ZNF423: variants seen among roughly 807,000 people sequenced by gnomAD.
The protein encoded by ZNF423 is zinc finger protein 423.
Under a neutral mutation model 95.8 loss-of-function variants are expected in ZNF423, and 12 were observed. The ratio of observed to expected loss-of-function variants is 0.13; its 90% CI spans 0.08 to 0.20. The LOEUF (loss-of-function observed/expected upper bound fraction) is 0.20, where lower values mean the gene tolerates loss of function less well. Ranked by LOEUF, ZNF423 falls within the 10% of genes least tolerant of loss-of-function variation. The probability of loss-of-function intolerance (pLI) is 1.00; values close to 1 mark genes in which losing one functional copy is unlikely to be tolerated. For missense variants in ZNF423, 1,316 were observed against 1,737.1 expected (o/e 0.76, Z 4.31); for synonymous variants, 749 against 711.9 (o/e 1.05, Z -0.83).
intron 5 of ZNF423, among the ~76,000 whole-genome samples, chr16:49,610,797 G>A (rs1971697642): frequency 6.6e-6 from 1 of 151,830 alleles, no homozygotes; most frequent in Admixed American, 6.6e-5. Context: ...AACAATACTG[G>A]CAGGTTGAAA....
chr16:49,569,154 C>T (rs1400185870), intron 5 of ZNF423, among the ~76,000 whole-genome samples: 1 of 152,212 alleles, frequency 6.6e-6, no homozygotes, highest in African/African-American at 2.4e-5. Context: ...CATCCTTCTT[C>T]AGGCCGCTAT....
intron 3 of ZNF423, among the ~76,000 whole-genome samples, chr16:49,694,190 G>T (rs1009930701): frequency 2.0e-5 from 3 of 152,224 alleles, no homozygotes; most frequent in Non-Finnish European, 4.4e-5. Context: ...AGGGAAGTAG[G>T]AAGGGGGAGC....
At chr16:49,661,055 T>A (rs2030194505) in intron 3 of ZNF423, among the ~76,000 whole-genome samples, 4 of 152,128 alleles carry the variant, frequency 2.6e-5, no homozygotes, top group Admixed American at 2.6e-4. Flanking sequence ...ACCTTGTCTC[T>A]ACTAAAAATA....
At chr16:49,783,700 G>C (rs975981361) in intron 2 of ZNF423, among the ~76,000 whole-genome samples, 1 of 152,060 alleles carries the variant, frequency 6.6e-6, no homozygotes, top group African/African-American at 2.4e-5. Flanking sequence ...GACGTTGGTA[G>C]GAGGGAGGTC....
Position 49,635,863 on chromosome 16 carries a change from C to T in ZNF423, c.3313G>A (p.Ala1105Thr). 2 of 1,590,420 alleles carry T rather than the reference C, an allele frequency of 1.3e-6. No individual in the cohort carries two copies. The highest frequency in any genetic ancestry group is 1.7e-6 in the Non-Finnish European group (2 of 1,170,628). ...CCCACCTGTCCGTTGGCGCTGCGGGCCATGCAGCCGGCGCAGAGGCCGTAG... is the reference window on the plus strand; with the variant it reads ...CCCACCTGTCCGTTGGCGCTGCGGGTCATGCAGCCGGCGCAGAGGCCGTAG... ...LPYGLCAGCM[A>T]RSANGQVGGL... is the part of the protein sequence containing the mutation. The change falls in exon 4 of 8, where the codon GCC becomes ACC. Residue 1105 changes from alanine (A) to threonine (T), a missense_variant. Around this residue, in one of 6 missense-constraint regions of ZNF423, gnomAD observed 620 missense variants for 775.6 expected, o/e 0.80. Transcript: ENST00000563137. This position sits in a 1 kb window ranked among gnomAD's most constrained non-coding sequence, Gnocchi z 4.8.
At chr16:49,558,870 T>G (rs79990024) in intron 5 of ZNF423, among the ~76,000 whole-genome samples, 1,992 of 152,298 alleles carry the variant, frequency 0.013, 87 homozygotes, top group Admixed American at 0.086. Flanking sequence ...AGCACCAAGG[T>G]GTACCTGGAA....
intron 3 of ZNF423, among the ~76,000 whole-genome samples, chr16:49,665,125 G>A (rs1443204430): frequency 1.3e-5 from 2 of 152,362 alleles, no homozygotes; most frequent in South Asian, 2.1e-4. Context: ...AACTCTCAAC[G>A]GTGCATTGAG....
In ZNF423 at chr16:49,855,168, G is replaced by C. The variant is rs1305894996; in HGVS notation, c.40+567C>G. On this transcript the variant is annotated intron_variant, in intron 1 of 7. Transcript: ENST00000563137. This position sits in a 1 kb window ranked among gnomAD's most constrained non-coding sequence, Gnocchi z 4.7. Reference sequence around the variant, plus strand: ...AGGGGGCGCCAGGCGGCCGGGGCGAGGGCGCGGCGCCCGGGGCGCTCGCCG... The same window carrying C: ...AGGGGGCGCCAGGCGGCCGGGGCGACGGCGCGGCGCCCGGGGCGCTCGCCG... Among the ~76,000 whole-genome samples, 2 of 150,244 alleles carry C rather than the reference G, an allele frequency of 1.3e-5. No individual in the cohort carries two copies. Among genetic ancestry groups the C allele is most frequent in the Non-Finnish European group, 1.5e-5 (1 of 67,356 alleles).
chr16:49,700,215 A>ACAAGAAG (rs202020290), intron 3 of ZNF423, among the ~76,000 whole-genome samples: 1 of 136,110 alleles, frequency 7.3e-6, no homozygotes, highest in African/African-American at 2.9e-5. Flanking sequence ...AAAAAAAAAA[A>ACAAGAAG]AACAAGAAGA....
At chr16:49,662,170 C>T (rs2030270543) in intron 3 of ZNF423, among the ~76,000 whole-genome samples, 1 of 152,190 alleles carries the variant, frequency 6.6e-6, no homozygotes, top group Non-Finnish European at 1.5e-5. Flanking sequence ...GTCATTCCTG[C>T]CAATGTCATG....
intron 2 of ZNF423, among the ~76,000 whole-genome samples, chr16:49,746,752 G>T (rs989851372): frequency 1.3e-5 from 2 of 152,136 alleles, no homozygotes; most frequent in African/African-American, 4.8e-5. Context: ...GGTTACAGGC[G>T]TGAACCACCA....
At chr16:49,737,177 A>T (rs1211663445) in intron 2 of ZNF423, among the ~76,000 whole-genome samples, 1 of 150,580 alleles carries the variant, frequency 6.6e-6, no homozygotes, top group African/African-American at 2.4e-5. Context: ...TCAATGAGGA[A>T]AAAAAAAAAA....
At chr16:49,809,787 G>A (rs1181277114) in intron 1 of ZNF423, among the ~76,000 whole-genome samples, 1 of 152,200 alleles carries the variant, frequency 6.6e-6, no homozygotes, top group African/African-American at 2.4e-5. Context: ...TCTGAAGCCT[G>A]CTCCTGAGAC....
chr16:49,678,203 C>T (rs2031201040), intron 3 of ZNF423, among the ~76,000 whole-genome samples: 1 of 151,740 alleles, frequency 6.6e-6, no homozygotes, highest in Non-Finnish European at 1.5e-5. Flanking sequence ...TAAAATATTA[C>T]ATTTTATTTG....
At chr16:49,739,513 G>A (rs1450922005) in intron 2 of ZNF423, among the ~76,000 whole-genome samples, 3 of 152,052 alleles carry the variant, frequency 2.0e-5, no homozygotes, top group South Asian at 2.1e-4. Flanking sequence ...CAGACTGTGC[G>A]ATCCTGAGTA....
At position 49,553,064 on chromosome 16, in the gene ZNF423, T is replaced by C. The variant is rs1969699995; in HGVS notation, c.3602-27570A>G. On this transcript the variant is annotated intron_variant, in intron 5 of 7. Coordinates refer to ENST00000563137, the MANE Select transcript of ZNF423 (RefSeq NM_001379286.1). ...CTCCTGGGATGCTGTAAAGATCAAATATTAATTTAAAAAAAATATCAAACA... is the reference window on the plus strand; with the variant it reads ...CTCCTGGGATGCTGTAAAGATCAAACATTAATTTAAAAAAAATATCAAACA... Among the ~76,000 whole-genome samples, 4 of 152,084 alleles carry C rather than the reference T, an allele frequency of 2.6e-5. No individual in the cohort carries two copies. The South Asian group carries it at 8.3e-4, about 32-fold the overall frequency.
intron 5 of ZNF423, among the ~76,000 whole-genome samples, chr16:49,552,845 C>T (rs1435602062): frequency 6.6e-6 from 1 of 151,840 alleles, no homozygotes; most frequent in Admixed American, 6.6e-5. Flanking sequence ...GAGGAACCAG[C>T]GGTGCTCCCC....
chr16:49,722,341 G>A (rs1055471250), intron 3 of ZNF423, among the ~76,000 whole-genome samples: 5 of 152,150 alleles, frequency 3.3e-5, no homozygotes, highest in Admixed American at 6.5e-5. Context: ...AGAGAATAAC[G>A]TCTCTGTTCA....
chr16:49,511,587 C>T (rs1270861695), intron 7 of ZNF423, among the ~76,000 whole-genome samples: 4 of 152,218 alleles, frequency 2.6e-5, no homozygotes, highest in Non-Finnish European at 5.9e-5. Context: ...AATGCTGTCT[C>T]ATTTGTACTA....
Sources: gnomAD v4.1 joint callset for allele counts (sites outside exome capture counted in the v4.1 genomes callset) on GRCh38, gnomAD v4.1.1 for gene constraint, gnomAD v4.1.1 regional missense constraint, Gnocchi (gnomAD v3.1) non-coding constraint, MANE v1.5 for transcripts, NCBI Gene and HGNC (gene_info 2026-07-23, HGNC 2026-07-21) for gene names.